EIF4A1: variants seen among roughly 807,000 people sequenced by gnomAD.
EIF4A1 encodes the protein eukaryotic initiation factor 4A-I.
EIF4A1 carries 11 observed loss-of-function variants against 53.5 expected under a neutral mutation model. The ratio of observed to expected loss-of-function variants is 0.21; its 90% confidence interval spans 0.13 to 0.34. EIF4A1 has a LOEUF of 0.34. Ranked by LOEUF, EIF4A1 falls within the 10% of genes least tolerant of loss-of-function variation. The probability of loss-of-function intolerance (pLI) is 1.00; values close to 1 mark genes in which losing one functional copy is unlikely to be tolerated. For missense variants in EIF4A1, 213 were observed against 530.8 expected, an observed-to-expected ratio of 0.40 and a Z score of 5.88; for synonymous variants, 237 against 186.7, an observed-to-expected ratio of 1.27 and a Z score of -2.20.
intron 2 of EIF4A1, 46 bp downstream of exon 2, chr17:7,574,354 C>G: frequency 1.2e-6 from 2 of 1,613,900 alleles, no homozygotes; most frequent in Non-Finnish European, 1.7e-6. Context: ...TTACAACTTT[C>G]AGCCGTATAG....
In EIF4A1 at chr17:7,572,856, G is replaced by C. The variant is rs759758160; in HGVS notation, c.15G>C (p.Gln5His). 8 of 1,614,040 alleles carry C rather than the reference G, an allele frequency of 5.0e-6. No individual in the cohort carries two copies. The East Asian group carries it at 6.7e-5, about 13-fold the overall frequency. Residue 5 changes from glutamine to histidine, a missense_variant, in exon 1 of 11, where the codon CAG (glutamine) becomes CAC (histidine). Physicochemically the swap from Gln to His is conservative, Grantham distance 24. This residue lies in a region of EIF4A1 where 53 missense variants were observed against 34.0 expected (regional missense o/e 1.56). Transcript: ENST00000293831. The part of the protein sequence containing the change: MSAS[Q>H]DSRSRDNGPD... The stretch of plus-strand genomic sequence containing the variant: ...TTCTAAGGATCATGTCTGCGAGCCA[G>C]GATTCCCGGTAAGAAAGGCATTTGC...
In EIF4A1 at chr17:7,577,521, G is replaced by C; in HGVS notation, c.768+34G>C. ...CAGTGCAGGAGGCGGGCCTGGTAGT[G>C]AGTTGTTGGGTATAGCCCCTGACTG... On this transcript the variant is annotated intron_variant, in intron 7 of 10. Transcript: ENST00000293831. The surrounding 1 kb of genome is among the most constrained non-coding windows in gnomAD (Gnocchi z 4.7). 1 of 1,613,648 alleles carries C rather than the reference G, an allele frequency of 6.2e-7. No individual in the cohort carries two copies. The highest frequency in any genetic ancestry group is 1.1e-5 in the South Asian group (1 of 91,030).
At chr17:7,575,352 G>GGAGGAA in intron 4 of EIF4A1, 94 bp downstream of exon 4, 1 of 1,572,880 alleles carries the variant, frequency 6.4e-7, no homozygotes, top group Non-Finnish European at 8.7e-7. Context: ...CACCACCTTG[G>GGAGGAA]GAGGAAGACA....
In EIF4A1 at chr17:7,577,647, A is replaced by C; in HGVS notation, c.847A>C (p.Arg283=). Reference sequence around the variant, plus strand: ...GGCAGTCATCTTCATCAACACCCGGAGGAAGGTGGACTGGCTCACCGAGAA... The same window carrying C: ...GGCAGTCATCTTCATCAACACCCGGCGGAAGGTGGACTGGCTCACCGAGAA... ...TQAVIFINTR[R]KVDWLTEKMH... Residue 283 remains arginine, a synonymous_variant, in exon 8 of 11, where the codon AGG becomes CGG. Transcript: ENST00000293831. This position sits in a 1 kb window ranked among gnomAD's most constrained non-coding sequence, Gnocchi z 4.7. The C allele has an allele frequency of 1.2e-6, 2 of 1,611,696 alleles. No homozygotes were observed. Among genetic ancestry groups the C allele is most frequent in the Non-Finnish European group, 1.7e-6 (2 of 1,179,684 alleles).
At chr17:7,574,761 TATC>T (rs756113979) in intron 3 of EIF4A1, 83 bp downstream of exon 3, 14 of 1,598,278 alleles carry the variant, frequency 8.8e-6, no homozygotes, top group African/African-American at 8.0e-5. Flanking sequence ...GCCCATCTCA[TATC>T]AGCCAGGGAC....
chr17:7,576,680 C>A lies in EIF4A1; in HGVS notation c.502C>A (p.Arg168=). Residue 168 remains arginine (R), a synonymous_variant, in exon 5 of 11, where the codon CGG becomes AGG. Coordinates refer to ENST00000293831, the MANE Select transcript of EIF4A1 (RefSeq NM_001416.4). ...TPGRVFDMLN[R]RYLSPKYIKM... ...TGGCCGTGTGTTTGATATGCTTAAC[C>A]GGAGATACCTGTGTGAGTAATTCGG... 6.2e-7 allele frequency: 1 copy of A among 1,605,874 alleles called. No individual in the cohort carries two copies. The highest frequency in any genetic ancestry group is 8.5e-7 in the Non-Finnish European group (1 of 1,175,632).
intron 3 of EIF4A1, 67 bp from the exon 4 acceptor site, chr17:7,575,052 A>AC: frequency 6.3e-7 from 1 of 1,593,958 alleles, no homozygotes; most frequent in Admixed American, 1.7e-5. Context: ...GACCTCATTA[A>AC]CCTAGGACTT....
intron 4 of EIF4A1, 182 bp downstream of exon 4, chr17:7,575,440 C>A (rs557756255): frequency 5.3e-6 from 5 of 950,214 alleles, no homozygotes; most frequent in Non-Finnish European, 8.1e-6. Context: ...TTGCTTCCTC[C>A]ACCCATTTCC....
chr17:7,574,991 T>C, intron 3 of EIF4A1, 128 bp from the exon 4 acceptor site: 3 of 1,318,316 alleles, frequency 2.3e-6, no homozygotes, highest in South Asian at 2.6e-5. Flanking sequence ...CTGTGTTGAT[T>C]GGGAAGGTAG....
chr17:7,573,879 G>A (rs571880592), intron 1 of EIF4A1: 8 of 193,238 alleles, frequency 4.1e-5, no homozygotes, highest in South Asian at 9.8e-5. Context: ...GGAGGTGAAG[G>A]GCGGGACTTC....
rs1567732167 is a variant in EIF4A1 at position 7,572,871 on chromosome 17, A to G, written c.23+7A>G. 5.6e-6 allele frequency: 9 copies of G among 1,614,154 alleles called. No homozygotes were observed. The highest frequency in any genetic ancestry group is 1.1e-5 in the South Asian group (1 of 91,088). Reference sequence around the variant, plus strand: ...CTGCGAGCCAGGATTCCCGGTAAGAAAGGCATTTGCAAGAGATTGTGGCTG... The same window carrying G: ...CTGCGAGCCAGGATTCCCGGTAAGAGAGGCATTTGCAAGAGATTGTGGCTG... On this transcript the variant is annotated splice_region_variant and intron_variant, in intron 1 of 10. Coordinates refer to ENST00000293831, the MANE Select transcript of EIF4A1 (RefSeq NM_001416.4).
intron 5 of EIF4A1, 157 bp downstream of exon 5, chr17:7,576,849 GGCTTCCCTGCCAGT>G: frequency 1.4e-6 from 2 of 1,435,896 alleles, no homozygotes; most frequent in Non-Finnish European, 1.9e-6. Flanking sequence ...CTGAGCCTCT[GGCTTCCCTGCCAGT>G]GCAGCCCTGG....
At chr17:7,576,862 G>A (rs1221428857) in intron 5 of EIF4A1, 170 bp downstream of exon 5, 6 of 1,387,468 alleles carry the variant, frequency 4.3e-6, no homozygotes, top group South Asian at 3.5e-5. Context: ...TTCCCTGCCA[G>A]TGCAGCCCTG....
chr17:7,573,201 T>C (rs2071348014), intron 1 of EIF4A1: 1 of 492,462 alleles, frequency 2.0e-6, no homozygotes, highest in Non-Finnish European at 3.7e-6. Flanking sequence ...CGCCACTATG[T>C]GTGGCCCAGA....
chr17:7,573,106 C>G, intron 1 of EIF4A1: 1 of 631,476 alleles, frequency 1.6e-6, no homozygotes, highest in Non-Finnish European at 2.7e-6. Flanking sequence ...AGGCCTCGAC[C>G]CGAGGCGGTG....
At position 7,574,537 on chromosome 17, in the gene EIF4A1, A is replaced by G; in HGVS notation, c.73-9A>G. The G allele has an allele frequency of 6.2e-7, 1 of 1,612,722 alleles. No homozygotes were observed. The highest frequency in any genetic ancestry group is 8.5e-7 in the Non-Finnish European group (1 of 1,179,872). ...ATGACTCAAGCTTTAATTTCTTTGCATCCCCTAGAGTAACTGGAATGAGAT... is the reference window on the plus strand; with the variant it reads ...ATGACTCAAGCTTTAATTTCTTTGCGTCCCCTAGAGTAACTGGAATGAGAT... On this transcript the variant is annotated splice_polypyrimidine_tract_variant and intron_variant, in intron 2 of 10. Transcript: ENST00000293831.
Position 7,577,123 on chromosome 17 carries a change from C to T in EIF4A1, c.582C>T (p.Asp194=), listed in dbSNP as rs900690182. The T allele has an allele frequency of 4.3e-6, 7 of 1,610,776 alleles. No individual in the cohort carries two copies. Among genetic ancestry groups the T allele is most frequent in the Admixed American group, 1.7e-5 (1 of 59,242 alleles). The change falls in exon 6 of 11, where the codon GAC becomes GAT. Residue 194 remains aspartate, a synonymous_variant. Transcript: ENST00000293831. The surrounding 1 kb of genome is among the most constrained non-coding windows in gnomAD (Gnocchi z 4.7). ...ADEMLSRGFK[D]QIYDIFQKLN... is the part of the protein sequence containing the mutation. ...AAATGTTAAGCCGTGGATTCAAGGA[C>T]CAGATCTATGACATATTCCAAAAGC...
chr17:7,574,462 G>T, intron 2 of EIF4A1, 84 bp from the exon 3 acceptor site: 2 of 1,601,916 alleles, frequency 1.2e-6, no homozygotes. Flanking sequence ...TTTGTTAGTA[G>T]GCACCAGATT....
At chr17:7,574,233 G>C (rs2071368575) in intron 1 of EIF4A1, 27 bp from the exon 2 acceptor site, 1 of 1,613,808 alleles carries the variant, frequency 6.2e-7, no homozygotes, top group Non-Finnish European at 8.5e-7. Flanking sequence ...TCGGGCAGGG[G>C]ACAAAACTTA....
Sources: gnomAD v4.1 joint callset for allele counts on GRCh38, gnomAD v4.1.1 for gene constraint, gnomAD v4.1.1 regional missense constraint, Gnocchi (gnomAD v3.1) non-coding constraint, MANE v1.5 for transcripts, NCBI Gene and HGNC (gene_info 2026-07-23, HGNC 2026-07-21) for gene names.